RAB30: variants seen among roughly 807,000 people sequenced by gnomAD.
RAB30 encodes the protein RAB30, member RAS oncogene family, also known as ras-related protein Rab-30.
In RAB30, 9 loss-of-function variants were observed where a neutral mutation model predicts 25.1. The ratio of observed to expected loss-of-function variants is 0.36; its 90% CI spans 0.22 to 0.63. RAB30 has a LOEUF of 0.63. RAB30 is among the 20% of genes least tolerant of loss of function. The pLI is 0.69. For synonymous variants in RAB30, 77 were observed against 86.4 expected, an observed-to-expected ratio of 0.89 and a Z score of 0.60; for missense variants, 140 against 243.5, an observed-to-expected ratio of 0.58 and a Z score of 2.83.
chr11:82,987,576 C>T lies in RAB30; in HGVS notation c.361+11G>A. ...ACAAATCAATTTCCCTCCTCGTTAG[C>T]CCTTACTTACCCACTAACACAGTGA... On this transcript the variant is annotated intron_variant, in intron 4 of 4. Coordinates refer to ENST00000527633, the MANE Select transcript of RAB30 (RefSeq NM_001286060.2). The T allele has an allele frequency of 6.3e-7, 1 of 1,596,572 alleles. No individual in the cohort carries two copies. Among genetic ancestry groups the T allele is most frequent in the South Asian group, 1.1e-5 (1 of 89,244 alleles).
chr11:83,060,697 G>A (rs919283934), intron 1 of RAB30, among the ~76,000 whole-genome samples: 3 of 152,132 alleles, frequency 2.0e-5, no homozygotes, highest in Non-Finnish European at 4.4e-5. Flanking sequence ...AAAAGGCAAG[G>A]GTACTGTGGT....
chr11:83,013,736 G>T (rs866264376), intron 1 of RAB30, among the ~76,000 whole-genome samples: 2 of 152,220 alleles, frequency 1.3e-5, no homozygotes, highest in Middle Eastern at 3.4e-3. Flanking sequence ...CAAAGTGCAG[G>T]TCAATTAAAT....
chr11:83,053,602 A>G (rs760141434), intron 1 of RAB30, among the ~76,000 whole-genome samples: 1 of 147,334 alleles, frequency 6.8e-6, no homozygotes, highest in Non-Finnish European at 1.5e-5. Flanking sequence ...AATCTGCTCT[A>G]TGCTTCCTAA....
chr11:83,004,276 C>A (rs115933065), intron 1 of RAB30, among the ~76,000 whole-genome samples: 5,360 of 152,196 alleles, frequency 0.035, 332 homozygotes, highest in African/African-American at 0.12. Context: ...GTCATATCAC[C>A]CTGACCATGT....
chr11:83,041,466 C>T (rs565864935), intron 1 of RAB30: 2 of 212,516 alleles, frequency 9.4e-6, no homozygotes, highest in South Asian at 9.4e-5. Context: ...TTAGAAAGGG[C>T]TGTCTCCAAG....
chr11:83,070,288 A>G (rs1419344283), intron 1 of RAB30, among the ~76,000 whole-genome samples: 1 of 152,220 alleles, frequency 6.6e-6, no homozygotes, highest in Non-Finnish European at 1.5e-5. Flanking sequence ...AAATCACTCT[A>G]CTACAAAGCC....
At chr11:83,039,662 C>A (rs1194219064) in intron 1 of RAB30, among the ~76,000 whole-genome samples, 1 of 151,936 alleles carries the variant, frequency 6.6e-6, no homozygotes, top group East Asian at 1.9e-4. Context: ...CTGGGGAAGT[C>A]AAAATTCTTG....
At chr11:83,045,688 T>C (rs1450918956) in intron 1 of RAB30, among the ~76,000 whole-genome samples, 1 of 152,168 alleles carries the variant, frequency 6.6e-6, no homozygotes, top group Non-Finnish European at 1.5e-5. Context: ...AGCTGTAAAA[T>C]GGGTATGGTA....
At chr11:83,068,184 G>T (rs933116592) in intron 1 of RAB30, among the ~76,000 whole-genome samples, 18 of 150,164 alleles carry the variant, frequency 1.2e-4, no homozygotes, top group South Asian at 2.1e-4. Flanking sequence ...TGTAATCCCA[G>T]ACAATAGGGA....
intron 1 of RAB30, among the ~76,000 whole-genome samples, chr11:83,060,525 C>T (rs1480465825): frequency 2.6e-5 from 4 of 152,192 alleles, no homozygotes; most frequent in Admixed American, 6.5e-5. Context: ...TACAAACTGA[C>T]ATTAGGTGTC....
intron 1 of RAB30, among the ~76,000 whole-genome samples, chr11:83,014,760 GAGAGAAAGAA>G (rs777635038): frequency 9.3e-5 from 14 of 150,098 alleles, no homozygotes; most frequent in Middle Eastern, 3.2e-3. Flanking sequence ...GAATGAAAGA[GAGAGAAAGAA>G]AGAGAAAGAA....
chr11:82,998,808 G>A (rs1857015457), intron 1 of RAB30, among the ~76,000 whole-genome samples: 1 of 152,166 alleles, frequency 6.6e-6, no homozygotes. Context: ...AGACTCTGGA[G>A]AGAGAGGAAA....
At chr11:82,984,624 T>G (rs747681288) in intron 4 of RAB30, among the ~76,000 whole-genome samples, 9 of 152,154 alleles carry the variant, frequency 5.9e-5, no homozygotes, top group Non-Finnish European at 1.2e-4. Flanking sequence ...TTGAGGATAC[T>G]ACAGAATCCA....
At chr11:83,013,559 T>G (rs1857351375) in intron 1 of RAB30, among the ~76,000 whole-genome samples, 1 of 152,184 alleles carries the variant, frequency 6.6e-6, no homozygotes, top group Admixed American at 6.5e-5. Flanking sequence ...GAGAGTGCTT[T>G]TCAGAGAAAC....
intron 1 of RAB30, among the ~76,000 whole-genome samples, chr11:83,024,372 C>G (rs1302126964): frequency 6.6e-6 from 1 of 152,220 alleles, no homozygotes; most frequent in African/African-American, 2.4e-5. Context: ...GGGTCTCAAA[C>G]TCCAGATCTG....
At chr11:83,041,976 A>T (rs1858127861) in intron 1 of RAB30, among the ~76,000 whole-genome samples, 1 of 147,652 alleles carries the variant, frequency 6.8e-6, no homozygotes, top group Non-Finnish European at 1.5e-5. Flanking sequence ...CGGGAGGTGG[A>T]GGTTGCAGTG....
At chr11:83,007,469 T>A (rs184194093) in intron 1 of RAB30, among the ~76,000 whole-genome samples, 1 of 152,330 alleles carries the variant, frequency 6.6e-6, no homozygotes, top group Admixed American at 6.5e-5. Context: ...TTTTCCTAAT[T>A]CCTAGAAATA....
intron 1 of RAB30, among the ~76,000 whole-genome samples, chr11:83,004,844 GA>G (rs1857153701): frequency 6.6e-6 from 1 of 152,006 alleles, no homozygotes; most frequent in African/African-American, 2.4e-5. Flanking sequence ...AGTGTACACT[GA>G]ATTGAAAGCC....
chr11:82,988,792 T>C (rs1003107959), intron 3 of RAB30, among the ~76,000 whole-genome samples: 1 of 152,096 alleles, frequency 6.6e-6, no homozygotes, highest in Non-Finnish European at 1.5e-5. Flanking sequence ...TCCTTCTAAT[T>C]GCACGAATTT....
Sources: gnomAD v4.1 joint callset for allele counts (sites outside exome capture counted in the v4.1 genomes callset) on GRCh38, gnomAD v4.1.1 for gene constraint, MANE v1.5 for transcripts, NCBI Gene and HGNC (gene_info 2026-07-23, HGNC 2026-07-21) for gene names.